Variants in RGS6 observed in about 807,000 individuals in gnomAD.
RGS6 encodes the protein regulator of G protein signaling 6.
Under a neutral mutation model 78.5 loss-of-function variants are expected in RGS6, and 30 were observed. That is an observed-to-expected ratio of 0.38 (90% CI 0.29 to 0.52). RGS6 has a LOEUF of 0.52. Ranked by LOEUF, RGS6 falls within the 20% of genes least tolerant of loss-of-function variation. The pLI is 0.85. For missense variants in RGS6, 495 were observed against 609.7 expected, an observed-to-expected ratio of 0.81 and a Z score of 1.98; for synonymous variants, 206 against 206.0, an observed-to-expected ratio of 1.00 and a Z score of 0.00.
intron 2 of RGS6, among the ~76,000 whole-genome samples, chr14:72,323,276 A>G (rs909277917): frequency 2.6e-5 from 4 of 152,132 alleles, no homozygotes; most frequent in Admixed American, 2.0e-4. Context: ...TCCCATTTAC[A>G]ATAAGAATAA....
At position 72,345,098 on chromosome 14, in the gene RGS6, G is replaced by A. The variant is rs571078401; in HGVS notation, c.85-6997G>A. Among the ~76,000 whole-genome samples the A allele has an allele frequency of 9.4e-4, 143 of 152,282 alleles. 1 individual carries two copies. Among genetic ancestry groups the A allele is most frequent in the African/African-American group, 3.2e-3 (134 of 41,560 alleles). On this transcript the variant is annotated intron_variant, in intron 2 of 17. Coordinates refer to ENST00000553525, the MANE Select transcript of RGS6 (RefSeq NM_001204424.2). ...TGAGACTTGAGCAGTGATCTGTTGA[G>A]GTCTTCTGGGAAGGAATATGCTTTT...
At chr14:72,128,805 GT>G (rs2096255928) in intron 2 of RGS6, among the ~76,000 whole-genome samples, 1 of 152,148 alleles carries the variant, frequency 6.6e-6, no homozygotes, top group Non-Finnish European at 1.5e-5. Flanking sequence ...ATCCCACAAC[GT>G]ATGCGTGTGC....
chr14:72,387,377 A>G (rs904204615), intron 3 of RGS6, among the ~76,000 whole-genome samples: 5 of 152,098 alleles, frequency 3.3e-5, no homozygotes, highest in East Asian at 1.9e-4. Context: ...GCAAAACCCC[A>G]TCTCTACTAA....
Position 72,277,619 on chromosome 14 carries a change from A to T in RGS6, c.85-74476A>T, listed in dbSNP as rs183906371. 6.6e-5 allele frequency among the ~76,000 whole-genome samples: 10 copies of T among 151,934 alleles called. No homozygotes were observed. In the East Asian group the frequency reaches 1.9e-3, roughly 30 times the overall value. On this transcript the variant is annotated intron_variant, in intron 2 of 17. Coordinates refer to ENST00000553525, the MANE Select transcript of RGS6 (RefSeq NM_001204424.2). ...TAAAAAATAAAAAAAAAAAATTTTA[A>T]ATTTAAAAATCTCTACTCTCCAGGC...
intron 3 of RGS6, among the ~76,000 whole-genome samples, chr14:72,400,090 A>G (rs1248351943): frequency 6.6e-6 from 1 of 152,208 alleles, no homozygotes; most frequent in African/African-American, 2.4e-5. Flanking sequence ...TCATTGTCTG[A>G]TTCACCGAAG....
At chr14:72,610,587 G>A in the RGS6 span, among the ~76,000 whole-genome samples, 4 of 152,352 alleles carry the variant, frequency 2.6e-5, no homozygotes, top group South Asian at 6.2e-4. Context: ...TTGGCAACGG[G>A]GAGATGACCT....
At chr14:72,514,476 G>A (rs1336096263) in intron 14 of RGS6, among the ~76,000 whole-genome samples, 1 of 152,192 alleles carries the variant, frequency 6.6e-6, no homozygotes, top group Non-Finnish European at 1.5e-5. Flanking sequence ...GAGAAAGGAG[G>A]CTCCCACTGG....
intron 2 of RGS6, among the ~76,000 whole-genome samples, chr14:72,052,961 C>CTT (rs1409160249): frequency 7.0e-5 from 3 of 42,622 alleles, no homozygotes; most frequent in African/African-American, 5.4e-4. Flanking sequence ...TTCTTTCTTT[C>CTT]TTTCTTTCTT....
the RGS6 span, among the ~76,000 whole-genome samples, chr14:72,588,805 G>A: frequency 2.0e-5 from 3 of 152,286 alleles, no homozygotes; most frequent in South Asian, 6.2e-4. Context: ...AGAAAGAAAT[G>A]GGAACTTCCA....
chr14:72,047,631 C>G (rs1464932991), intron 2 of RGS6, among the ~76,000 whole-genome samples: 1 of 152,166 alleles, frequency 6.6e-6, no homozygotes, highest in Non-Finnish European at 1.5e-5. Flanking sequence ...TGAAATAATA[C>G]CTATCAGATA....
At chr14:72,158,458 A>T (rs2096804007) in intron 2 of RGS6, among the ~76,000 whole-genome samples, 1 of 152,192 alleles carries the variant, frequency 6.6e-6, no homozygotes. Flanking sequence ...TTGAGGGGAT[A>T]CAATTCAGTC....
At chr14:72,511,946 C>T (rs1320816598) in intron 14 of RGS6, 1 of 152,224 alleles carries the variant, frequency 6.6e-6, no homozygotes, top group East Asian at 1.9e-4. Context: ...ACTTCTAATA[C>T]TCTTCACTAG....
Position 72,170,391 on chromosome 14 carries a change from G to A in RGS6, c.85-181704G>A, listed in dbSNP as rs530762778. Among the ~76,000 whole-genome samples the A allele has an allele frequency of 9.9e-5, 15 of 152,238 alleles. 1 individual carries two copies. Among genetic ancestry groups the A allele is most frequent in the African/African-American group, 3.6e-4 (15 of 41,556 alleles). On this transcript the variant is annotated intron_variant, in intron 2 of 17. Transcript: ENST00000553525. The stretch of plus-strand genomic sequence containing the variant: ...TATATATGCTCTGTAAATGTTCCTA[G>A]CTCCCTCACTTTTTTGTCTTTTTCT...
chr14:72,261,412 T>C (rs1218484843), intron 2 of RGS6, among the ~76,000 whole-genome samples: 1 of 151,932 alleles, frequency 6.6e-6, no homozygotes, highest in Non-Finnish European at 1.5e-5. Context: ...AAGCTTTGAG[T>C]TGGATATGAG....
intron 2 of RGS6, among the ~76,000 whole-genome samples, chr14:72,064,817 T>C (rs4902983): frequency 0.71 from 107,345 of 152,124 alleles, 38,015 homozygotes; most frequent in East Asian, 0.83. Context: ...CTGTTTATCA[T>C]GTGTACTTAT....
intron 2 of RGS6, among the ~76,000 whole-genome samples, chr14:72,350,491 G>T (rs1485080629): frequency 5.3e-5 from 8 of 152,134 alleles, no homozygotes; most frequent in African/African-American, 1.9e-4. Flanking sequence ...TTGTGGTTGG[G>T]TGGTGCTATG....
At chr14:72,183,188 G>C (rs923385000) in intron 2 of RGS6, among the ~76,000 whole-genome samples, 1 of 152,186 alleles carries the variant, frequency 6.6e-6, no homozygotes, top group African/African-American at 2.4e-5. Flanking sequence ...GTTAAGCCAA[G>C]AATTGCAAGA....
At chr14:72,593,611 T>C in the RGS6 span, among the ~76,000 whole-genome samples, 1 of 152,166 alleles carries the variant, frequency 6.6e-6, no homozygotes, top group Non-Finnish European at 1.5e-5. Flanking sequence ...GGTCTTGAAC[T>C]CCTGTCCTCA....
intron 2 of RGS6, among the ~76,000 whole-genome samples, chr14:72,314,629 C>G (rs75461851): frequency 6.6e-6 from 1 of 152,144 alleles, no homozygotes; most frequent in African/African-American, 2.4e-5. Context: ...AGAACCTGAA[C>G]CCAGGTCCTC....
Sources: gnomAD v4.1 joint callset for allele counts (sites outside exome capture counted in the v4.1 genomes callset) on GRCh38, gnomAD v4.1.1 for gene constraint, MANE v1.5 for transcripts, NCBI Gene and HGNC (gene_info 2026-07-23, HGNC 2026-07-21) for gene names.